Variants in OSBPL1A observed in about 807,000 individuals in gnomAD.
OSBPL1A encodes the protein oxysterol-binding protein-related protein 1.
Under a neutral mutation model 137.1 loss-of-function variants are expected in OSBPL1A, and 80 were observed. That is an observed-to-expected ratio of 0.58 (90% confidence interval 0.49 to 0.70). The LOEUF (loss-of-function observed/expected upper bound fraction) is 0.70. Among genes scored for constraint, OSBPL1A ranks in the 30% least tolerant of loss-of-function variants. The pLI is 0.00. For missense variants in OSBPL1A, 970 were observed against 1,129.4 expected (o/e 0.86, Z 2.02); for synonymous variants, 365 against 389.7 (o/e 0.94, Z 0.75).
chr18:24,303,488 T>C (rs2090442449), intron 14 of OSBPL1A, 149 bp downstream of exon 14: 1 of 518,798 alleles, frequency 1.9e-6, no homozygotes, highest in Non-Finnish European at 3.4e-6. Context: ...AAACTTTAAA[T>C]TGCCCTTTTA....
intron 1 of OSBPL1A, among the ~76,000 whole-genome samples, chr18:24,385,243 C>G (rs1164747747): frequency 2.0e-5 from 3 of 152,082 alleles, no homozygotes; most frequent in Admixed American, 6.6e-5. Flanking sequence ...CATGAGCCAC[C>G]GCACCCGGCC....
At chr18:24,200,995 A>C (rs2087203154) in intron 17 of OSBPL1A, among the ~76,000 whole-genome samples, 1 of 152,210 alleles carries the variant, frequency 6.6e-6, no homozygotes, top group Non-Finnish European at 1.5e-5. Flanking sequence ...GTGTTACTCC[A>C]GGCAGAAATA....
intron 15 of OSBPL1A, among the ~76,000 whole-genome samples, chr18:24,278,618 A>G (rs2089894677): frequency 6.6e-6 from 1 of 152,192 alleles, no homozygotes; most frequent in African/African-American, 2.4e-5. Context: ...TGCTTCAGAA[A>G]TTAAACATGA....
chr18:24,372,135 C>T (rs763314287), intron 2 of OSBPL1A, among the ~76,000 whole-genome samples: 1 of 151,818 alleles, frequency 6.6e-6, no homozygotes, highest in Non-Finnish European at 1.5e-5. Context: ...ATCAGCCAGG[C>T]GTGGTGGCGC....
Position 24,303,737 on chromosome 18 carries a change from C to T in OSBPL1A, c.1093-19G>A, listed in dbSNP as rs752303709. 6.3e-7 allele frequency: 1 copy of T among 1,595,550 alleles called. No individual in the cohort carries two copies. Among genetic ancestry groups the T allele is most frequent in the South Asian group, 1.1e-5 (1 of 90,288 alleles). On this transcript the variant is annotated intron_variant, in intron 13 of 27. Coordinates refer to ENST00000319481, the MANE Select transcript of OSBPL1A (RefSeq NM_080597.4). ...GTGCTTTCTGCAAAAAAAGAAAAGA[C>T]AAAATTAAAACAAAGTAATAAAAGA...
chr18:24,277,879 T>C (rs1231956010), intron 15 of OSBPL1A, among the ~76,000 whole-genome samples: 1 of 152,240 alleles, frequency 6.6e-6, no homozygotes, highest in Admixed American at 6.5e-5. Flanking sequence ...GAGTTGATAA[T>C]TTCATATAAT....
At chr18:24,202,549 CT>C (rs779516172) in intron 17 of OSBPL1A, among the ~76,000 whole-genome samples, 1 of 152,176 alleles carries the variant, frequency 6.6e-6, no homozygotes, top group Non-Finnish European at 1.5e-5. Context: ...TCATGTGATT[CT>C]GTTTACGGTA....
chr18:24,331,308 G>T (rs1305940938), intron 7 of OSBPL1A, among the ~76,000 whole-genome samples: 2 of 152,088 alleles, frequency 1.3e-5, no homozygotes, highest in Non-Finnish European at 2.9e-5. Context: ...GGTCCTGTGG[G>T]ACCCCTGATG....
At chr18:24,225,509 C>T (rs1384371927) in intron 16 of OSBPL1A, among the ~76,000 whole-genome samples, 1 of 152,144 alleles carries the variant, frequency 6.6e-6, no homozygotes. Flanking sequence ...CCAAAATTTC[C>T]ACCTCTTTCT....
At chr18:24,388,101 A>G (rs992516031) in intron 1 of OSBPL1A, among the ~76,000 whole-genome samples, 1 of 152,094 alleles carries the variant, frequency 6.6e-6, no homozygotes, top group Non-Finnish European at 1.5e-5. Flanking sequence ...TACTATCCAC[A>G]TTTCTGGAGA....
chr18:24,314,237 C>A lies in OSBPL1A; in HGVS notation c.969+12G>T. Reference sequence around the variant, plus strand: ...TAAGTTTTAGGAAAGATACATGAATCCATAAGATTACCTCTCTTGACTGCT... The same window carrying A: ...TAAGTTTTAGGAAAGATACATGAATACATAAGATTACCTCTCTTGACTGCT... On this transcript the variant is annotated intron_variant, in intron 12 of 27. Coordinates refer to ENST00000319481, the MANE Select transcript of OSBPL1A (RefSeq NM_080597.4). 6.5e-7 allele frequency: 1 copy of A among 1,545,758 alleles called. No individual in the cohort carries two copies. The highest frequency in any genetic ancestry group is 8.8e-7 in the Non-Finnish European group (1 of 1,132,832).
chr18:24,181,222 G>A lies in OSBPL1A; in HGVS notation c.1735C>T (p.Arg579Cys), dbSNP rs1339750569. 1.2e-6 allele frequency: 2 copies of A among 1,613,898 alleles called. No individual in the cohort carries two copies. The highest frequency in any genetic ancestry group is 1.7e-6 in the Non-Finnish European group (2 of 1,179,952). Reference protein sequence around the residue: ...IFNEPLSFLQRLTEYMEHTYL... With the variant: ...IFNEPLSFLQCLTEYMEHTYL... ...GTATGCTCCATGTATTCAGTTAGGC[G>A]CTGTAGGAAGCTCAGAGGCTCATTA... The change falls in exon 19 of 28, where the codon CGC becomes TGC. Residue 579 changes from arginine to cysteine, a missense_variant. Physicochemically the swap from Arg to Cys is radical, Grantham distance 180. This residue lies in a region of OSBPL1A where 323 missense variants were observed against 456.8 expected (regional missense o/e 0.71). Coordinates refer to ENST00000319481, the MANE Select transcript of OSBPL1A (RefSeq NM_080597.4).
intron 4 of OSBPL1A, among the ~76,000 whole-genome samples, chr18:24,351,347 CAAAAAAAA>C (rs1172514692): frequency 5.6e-5 from 2 of 35,770 alleles, no homozygotes; most frequent in African/African-American, 1.0e-4. Flanking sequence ...GACTCTGTCT[CAAAAAAAA>C]AAAAAAAAAA....
intron 1 of OSBPL1A, among the ~76,000 whole-genome samples, chr18:24,381,716 G>A (rs1346793695): frequency 1.3e-5 from 2 of 152,138 alleles, no homozygotes; most frequent in South Asian, 4.1e-4. Context: ...CCAGCACTTT[G>A]GGAGGCCGAG....
At chr18:24,332,572 CAA>C (rs34897629) in intron 7 of OSBPL1A, among the ~76,000 whole-genome samples, 316 of 108,384 alleles carry the variant, frequency 2.9e-3, no homozygotes, top group African/African-American at 4.8e-3. Context: ...ATAGAAACAG[CAA>C]AAAAAAAAAA....
Position 24,175,117 on chromosome 18 carries a change from T to TATATATATATATAC in OSBPL1A, c.2094-2635_2094-2634insGTATATATATATAT, listed in dbSNP as rs1555625053. The stretch of plus-strand genomic sequence containing the variant: ...TATTTGCCATGTGTATGTATATATA[T>TATATATATATATAC]ATATATATATATATATATACACATA... On this transcript the variant is annotated intron_variant, in intron 21 of 27. Transcript: ENST00000319481. Among the ~76,000 whole-genome samples, 302 of 35,610 alleles carry TATATATATATATAC rather than the reference T, an allele frequency of 8.5e-3. 10 individuals carry two copies. The highest frequency in any genetic ancestry group is 0.016 in the African/African-American group (282 of 17,458). 23.4% of individuals were successfully genotyped at this position (35,610 alleles called of 152,430 possible).
chr18:24,291,961 T>G (rs2090182339), intron 14 of OSBPL1A, among the ~76,000 whole-genome samples: 1 of 152,170 alleles, frequency 6.6e-6, no homozygotes, highest in Non-Finnish European at 1.5e-5. Context: ...CAGGTGCACC[T>G]GTAATCCCAG....
At chr18:24,183,294 T>G (rs1599451154) in intron 18 of OSBPL1A, among the ~76,000 whole-genome samples, 1 of 152,172 alleles carries the variant, frequency 6.6e-6, no homozygotes, top group Non-Finnish European at 1.5e-5. Flanking sequence ...TGAAAATGTC[T>G]CTTTACTTCC....
Position 24,271,902 on chromosome 18 carries a change from G to A in OSBPL1A, c.1281+8940C>T, listed in dbSNP as rs2089730223. On this transcript the variant is annotated intron_variant, in intron 15 of 27. Coordinates refer to ENST00000319481, the MANE Select transcript of OSBPL1A (RefSeq NM_080597.4). The surrounding 1 kb of genome is among the most constrained non-coding windows in gnomAD (Gnocchi z 4.0). The stretch of plus-strand genomic sequence containing the variant: ...AGGACTCCCGCGCCGCGCCCGCCCG[G>A]GCCGCAGAGGTCTGCGCTGCCCCTC... 1.0e-6 allele frequency: 1 copy of A among 984,328 alleles called. No homozygotes were observed. The highest frequency in any genetic ancestry group is 1.8e-5 in the African/African-American group (1 of 57,104). The allele number at this position is 984,328 out of a possible 1,614,324, so 61.0% of individuals were successfully genotyped here.
Sources: allele counts gnomAD v4.1 joint callset (sites outside exome capture counted in the v4.1 genomes callset), GRCh38; gene constraint gnomAD v4.1.1; regional missense constraint gnomAD v4.1.1; non-coding constraint Gnocchi (gnomAD v3.1); transcripts MANE v1.5; gene names NCBI Gene and HGNC (gene_info 2026-07-23, HGNC 2026-07-21).